ANK2: variants seen among roughly 807,000 people sequenced by gnomAD.
ANK2 encodes the protein ankyrin 2, also known as ankyrin-2.
A neutral mutation model predicts 360.5 loss-of-function variants in ANK2; 83 were observed. The ratio of observed to expected loss-of-function variants is 0.23; its 90% CI spans 0.19 to 0.28. The LOEUF (loss-of-function observed/expected upper bound fraction) is 0.28. Among genes scored for constraint, ANK2 ranks in the 10% least tolerant of loss-of-function variants. ANK2 has a pLI of 1.00. For synonymous variants in ANK2, 1,740 were observed against 1,759.5 expected (o/e 0.99, Z 0.28); for missense variants, 4,201 against 4,795.7 (o/e 0.88, Z 3.66).
intron 1 of ANK2, among the ~76,000 whole-genome samples, chr4:113,143,308 TG>T (rs1056405685): frequency 2.8e-5 from 1 of 35,404 alleles, no homozygotes; most frequent in Non-Finnish European, 5.7e-5. Context: ...GGCGGTGGAA[TG>T]GGTATTGTAT....
intron 35 of ANK2, among the ~76,000 whole-genome samples, chr4:113,347,427 A>T (rs936975374): frequency 2.0e-5 from 3 of 152,194 alleles, no homozygotes; most frequent in African/African-American, 7.2e-5. Flanking sequence ...TAAGAACGAC[A>T]AAGAAATATG....
At chr4:113,346,539 C>T (rs570394302) in intron 35 of ANK2, among the ~76,000 whole-genome samples, 78 of 152,162 alleles carry the variant, frequency 5.1e-4, no homozygotes, top group African/African-American at 1.8e-3. Flanking sequence ...TATTAATCTT[C>T]GAACTTATCA....
the ANK2 span, among the ~76,000 whole-genome samples, chr4:112,810,015 A>G: frequency 6.6e-6 from 1 of 151,324 alleles, no homozygotes; most frequent in Non-Finnish European, 1.5e-5. Context: ...AATTGCTAAC[A>G]TGTTGTCATA....
chr4:113,136,011 C>T (rs1223585123), intron 1 of ANK2, among the ~76,000 whole-genome samples: 4 of 151,842 alleles, frequency 2.6e-5, no homozygotes, highest in Non-Finnish European at 5.9e-5. Context: ...TTTGGGCCTG[C>T]GTATAGTGCT....
intron 34 of ANK2, among the ~76,000 whole-genome samples, chr4:113,344,170 C>A (rs772440920): frequency 1.3e-5 from 2 of 152,122 alleles, no homozygotes; most frequent in Non-Finnish European, 2.9e-5. Flanking sequence ...TATAATTAAG[C>A]TAATGTTTGA....
chr4:112,852,197 G>T (rs2065169727), intron 1 of ANK2, among the ~76,000 whole-genome samples: 1 of 152,162 alleles, frequency 6.6e-6, no homozygotes, highest in South Asian at 2.1e-4. Context: ...AAAAGATGAT[G>T]GTTTTGGAAC....
At chr4:113,081,719 T>C (rs1160920031) in intron 1 of ANK2, among the ~76,000 whole-genome samples, 1 of 152,164 alleles carries the variant, frequency 6.6e-6, no homozygotes, top group African/African-American at 2.4e-5. Flanking sequence ...TAGCTTTACT[T>C]AAATGCTTAT....
chr4:112,896,261 T>G (rs983370730), intron 1 of ANK2, among the ~76,000 whole-genome samples: 8 of 152,224 alleles, frequency 5.3e-5, no homozygotes, highest in African/African-American at 1.9e-4. Flanking sequence ...CTTCAAAAGC[T>G]GTTTCTTTTG....
At chr4:113,009,911 C>T (rs970366405) in intron 2 of ANK2, among the ~76,000 whole-genome samples, 3 of 141,128 alleles carry the variant, frequency 2.1e-5, no homozygotes, top group East Asian at 4.2e-4. Flanking sequence ...TTCCTAAGGC[C>T]CCATTGTTGA....
the ANK2 span, among the ~76,000 whole-genome samples, chr4:112,789,143 G>A: frequency 8.5e-5 from 13 of 152,136 alleles, no homozygotes; most frequent in African/African-American, 1.7e-4. Flanking sequence ...TGTTGTGCAT[G>A]GAGGGTGCCC....
intron 31 of ANK2, among the ~76,000 whole-genome samples, chr4:113,337,443 G>T (rs1040668093): frequency 6.6e-6 from 1 of 152,116 alleles, no homozygotes; most frequent in African/African-American, 2.4e-5. Context: ...CACAAATAGT[G>T]AGAGGCAAAA....
At chr4:112,817,425 G>A (rs2149487480), upstream of ANK2, among the ~76,000 whole-genome samples, 1 of 152,186 alleles carries the variant, frequency 6.6e-6, no homozygotes, top group South Asian at 2.1e-4. Context: ...TGAATGGATG[G>A]TTCTGACTTC....
chr4:113,150,559 G>A (rs2097028066), intron 1 of ANK2, among the ~76,000 whole-genome samples: 1 of 152,202 alleles, frequency 6.6e-6, no homozygotes, highest in African/African-American at 2.4e-5. Flanking sequence ...AGTAGGACAT[G>A]CAAACTTGGC....
intron 2 of ANK2, among the ~76,000 whole-genome samples, chr4:112,941,423 A>T (rs1428323356): frequency 4.1e-5 from 6 of 144,742 alleles, no homozygotes; most frequent in Admixed American, 6.9e-5. Context: ...AGTTAAAAAG[A>T]TATATTTTTT....
the ANK2 span, among the ~76,000 whole-genome samples, chr4:112,771,931 G>T: frequency 6.6e-6 from 1 of 152,140 alleles, no homozygotes; most frequent in Non-Finnish European, 1.5e-5. Context: ...ATTCCTCTTG[G>T]TGTCCTGTGT....
rs753806503 is a variant in ANK2 at position 113,356,122 on chromosome 4, G to T, written c.7504G>T (p.Val2502Leu). 3.1e-6 allele frequency: 5 copies of T among 1,613,974 alleles called. No homozygotes were observed. Among genetic ancestry groups the T allele is most frequent in the African/African-American group, 1.3e-5 (1 of 74,902 alleles). The change falls in exon 38 of 46, where the codon GTG (valine) becomes TTG (leucine). Residue 2502 changes from valine (V) to leucine (L), a missense_variant. Transcript: ENST00000357077. The stretch of plus-strand genomic sequence containing the variant: ...TGCCAAAACAGAACTCTTGACGGAA[G>T]TGGCCTCTGTGCGGTCCCGGCTACT... ...AVAKTELLTEVASVRSRLLRD... is the reference protein window; with the variant it reads ...AVAKTELLTELASVRSRLLRD...
chr4:113,354,137 A>C lies in ANK2; in HGVS notation c.5519A>C (p.Glu1840Ala). Reference sequence around the variant, plus strand: ...ACTCTTTCCTCTTCCGCAAAAACTGAAAGGCACCCTCCAGTATCACCATCA... The same window carrying C: ...ACTCTTTCCTCTTCCGCAAAAACTGCAAGGCACCCTCCAGTATCACCATCA... ...HSTLSSSAKT[E>A]RHPPVSPSSK... The change falls in exon 38 of 46, where the codon GAA (glutamate) becomes GCA (alanine). Residue 1840 changes from glutamate to alanine, a missense_variant. Glu to Ala is a moderately radical substitution (Grantham distance 107). This residue lies in a region of ANK2 where 2,642 missense variants were observed against 2,714.5 expected (regional missense o/e 0.97). Transcript: ENST00000357077. The C allele has an allele frequency of 6.2e-7, 1 of 1,614,122 alleles. No individual in the cohort carries two copies. Among genetic ancestry groups the C allele is most frequent in the Non-Finnish European group, 8.5e-7 (1 of 1,180,004 alleles).
intron 2 of ANK2, among the ~76,000 whole-genome samples, chr4:112,938,625 C>G (rs539150820): frequency 7.6e-4 from 115 of 152,218 alleles, no homozygotes; most frequent in African/African-American, 2.6e-3. Context: ...TGGAGGCAAG[C>G]TAAGTAAATT....
At position 113,232,173 on chromosome 4, in the gene ANK2, C is replaced by A; in HGVS notation, c.397C>A (p.Pro133Thr). 1.3e-6 allele frequency: 2 copies of A among 1,595,808 alleles called. No homozygotes were observed. Among genetic ancestry groups the A allele is most frequent in the Non-Finnish European group, 1.7e-6 (2 of 1,163,452 alleles). ...INAQSQNGFT[P>T]LYMAAQENHI... ...TGCTTGTCCTCAGAATGGCTTTACT[C>A]CTTTATACATGGCTGCCCAAGAGAA... Residue 133 changes from proline (P) to threonine (T), a missense_variant, in exon 5 of 46, where the codon CCT (proline) becomes ACT (threonine). Coordinates refer to ENST00000357077, the MANE Select transcript of ANK2 (RefSeq NM_001148.6).
Sources: gnomAD v4.1 joint callset for allele counts (sites outside exome capture counted in the v4.1 genomes callset) on GRCh38, gnomAD v4.1.1 for gene constraint, gnomAD v4.1.1 regional missense constraint, MANE v1.5 for transcripts, NCBI Gene and HGNC (gene_info 2026-07-23, HGNC 2026-07-21) for gene names.